The following MED13L variants were observed in gnomAD, a reference collection of about 807,000 sequenced individuals.
The protein encoded by MED13L is mediator complex subunit 13L.
A neutral mutation model predicts 220.9 loss-of-function variants in MED13L; 7 were observed. The observed-to-expected ratio is 0.03, with a 90% CI of 0.02 to 0.06. The LOEUF (loss-of-function observed/expected upper bound fraction) is 0.06. Ranked by LOEUF, MED13L falls within the 10% of genes least tolerant of loss-of-function variation. The probability of loss-of-function intolerance (pLI) is 1.00; values close to 1 mark genes in which losing one functional copy is unlikely to be tolerated. For synonymous variants in MED13L, 1,011 were observed against 1,015.2 expected (o/e 1.00, Z 0.08); for missense variants, 1,965 against 2,760.5 (o/e 0.71, Z 6.46).
chr12:116,200,797 C>G (rs142576160), intron 2 of MED13L, among the ~76,000 whole-genome samples: 4 of 152,130 alleles, frequency 2.6e-5, no homozygotes, highest in East Asian at 3.9e-4. Flanking sequence ...AAAAGCACTA[C>G]GCAGCAAGTT....
chr12:116,224,446 C>G (rs750379386), intron 2 of MED13L, among the ~76,000 whole-genome samples: 27 of 152,124 alleles, frequency 1.8e-4, no homozygotes, highest in Non-Finnish European at 3.7e-4. Context: ...TACCATGGGC[C>G]CCACATAGGA....
chr12:116,113,219 A>G (rs1178433706), intron 2 of MED13L, among the ~76,000 whole-genome samples: 4 of 152,172 alleles, frequency 2.6e-5, no homozygotes, highest in Non-Finnish European at 4.4e-5. Flanking sequence ...CTGTGCCATA[A>G]AGAGTGCTGG....
chr12:116,239,847 C>G (rs1303086004), intron 1 of MED13L, among the ~76,000 whole-genome samples: 1 of 152,180 alleles, frequency 6.6e-6, no homozygotes, highest in Non-Finnish European at 1.5e-5. Context: ...TGTATTAATA[C>G]ATAGTCCTTG....
intron 3 of MED13L, among the ~76,000 whole-genome samples, chr12:116,108,860 T>C (rs970312168): frequency 1.3e-5 from 2 of 152,120 alleles, no homozygotes; most frequent in African/African-American, 4.8e-5. Context: ...ATTAACAGTA[T>C]GTGAGGCATT....
At chr12:115,970,496 A>C in intron 27 of MED13L, 98 bp downstream of exon 27, 1 of 1,318,448 alleles carries the variant, frequency 7.6e-7, no homozygotes, top group Non-Finnish European at 1.1e-6. Context: ...TGGGTTGTTT[A>C]TTACAACACA....
chr12:116,120,477 T>TCTCTCACACACA (rs1257256737), intron 2 of MED13L, among the ~76,000 whole-genome samples: 1 of 79,428 alleles, frequency 1.3e-5, no homozygotes, highest in African/African-American at 5.1e-5. Flanking sequence ...TCTCTCTCTC[T>TCTCTCACACACA]CACACACACA....
chr12:116,219,242 G>A (rs924391473), intron 2 of MED13L, among the ~76,000 whole-genome samples: 16 of 152,034 alleles, frequency 1.1e-4, no homozygotes, highest in African/African-American at 3.4e-4. Flanking sequence ...ATCAAGGAAA[G>A]TGAAATAAAG....
At chr12:116,107,228 T>C (rs188508341) in intron 3 of MED13L, among the ~76,000 whole-genome samples, 3 of 152,216 alleles carry the variant, frequency 2.0e-5, no homozygotes, top group Admixed American at 6.5e-5. Flanking sequence ...AACTATGTTA[T>C]CTTCTGTCTG....
chr12:116,116,920 C>T (rs1262427438), intron 2 of MED13L, among the ~76,000 whole-genome samples: 1 of 148,436 alleles, frequency 6.7e-6, no homozygotes, highest in Non-Finnish European at 1.5e-5. Context: ...TAGGTATATA[C>T]TCAAGTTTGG....
intron 1 of MED13L, among the ~76,000 whole-genome samples, chr12:116,260,550 A>G (rs1055446065): frequency 6.6e-6 from 1 of 152,214 alleles, no homozygotes; most frequent in Non-Finnish European, 1.5e-5. Context: ...TACGCTCTCA[A>G]TAACAAAAAA....
Position 115,987,236 on chromosome 12 carries a change from G to C in MED13L, c.3987C>G (p.Ser1329=). The part of the protein sequence containing the change: ...SSQDVVRMLL[S]LQPFLQDAIQ... ...TGGCATCTTGGAGAAAGGGCTGCAG[G>C]GACAACAGCATACGAACCACATCCT... The change falls in exon 18 of 31, where the codon TCC becomes TCG. Residue 1329 remains serine (S), a synonymous_variant. Coordinates refer to ENST00000281928, the MANE Select transcript of MED13L (RefSeq NM_015335.5). The C allele has an allele frequency of 6.2e-7, 1 of 1,613,852 alleles. No homozygotes were observed. The highest frequency in any genetic ancestry group is 2.2e-5 in the East Asian group (1 of 44,860).
chr12:116,095,305 C>A (rs1198562348), intron 4 of MED13L, among the ~76,000 whole-genome samples: 2 of 152,164 alleles, frequency 1.3e-5, no homozygotes, highest in African/African-American at 4.8e-5. Flanking sequence ...CTTTCACACA[C>A]CCATACACAT....
At chr12:115,982,694 C>T in intron 21 of MED13L, 91 bp from the exon 22 acceptor site, 2 of 1,106,480 alleles carry the variant, frequency 1.8e-6, no homozygotes, top group Non-Finnish European at 1.3e-6. Context: ...AGCACACAGG[C>T]TCCCTAAAGA....
chr12:116,060,887 T>C (rs774195735), intron 4 of MED13L, among the ~76,000 whole-genome samples: 2 of 152,096 alleles, frequency 1.3e-5, no homozygotes, highest in African/African-American at 2.4e-5. Context: ...GTGAAAGCAA[T>C]GAGATGAGAA....
chr12:116,146,237 C>A (rs1345925364), intron 2 of MED13L, among the ~76,000 whole-genome samples: 1 of 152,140 alleles, frequency 6.6e-6, no homozygotes, highest in Non-Finnish European at 1.5e-5. Flanking sequence ...ATTCTCCTGC[C>A]TCAGCCTCCC....
In MED13L at chr12:116,015,091, A is replaced by G; in HGVS notation, c.1175+18T>C. ...ATGGTTACTAAACTATGATCTAGAC[A>G]TAATCGAGAAAACTTACTTGGACTG... is the stretch of plus-strand genomic sequence containing the variant. On this transcript the variant is annotated intron_variant, in intron 8 of 30. Transcript: ENST00000281928. 1 of 1,606,296 alleles carries G rather than the reference A, an allele frequency of 6.2e-7. No individual in the cohort carries two copies. The highest frequency in any genetic ancestry group is 8.5e-7 in the Non-Finnish European group (1 of 1,172,986).
At chr12:116,179,830 C>T (rs1259773282) in intron 2 of MED13L, among the ~76,000 whole-genome samples, 1 of 152,064 alleles carries the variant, frequency 6.6e-6, no homozygotes, top group Non-Finnish European at 1.5e-5. Context: ...GACAGTGCCT[C>T]ATTAGATAAT....
chr12:116,203,998 G>A (rs1438217850), intron 2 of MED13L, among the ~76,000 whole-genome samples: 1 of 152,170 alleles, frequency 6.6e-6, no homozygotes, highest in Non-Finnish European at 1.5e-5. Context: ...AAAATTACAT[G>A]TCGTAATGGT....
chr12:116,261,697 T>C (rs1212252561), intron 1 of MED13L, among the ~76,000 whole-genome samples: 1 of 152,294 alleles, frequency 6.6e-6, no homozygotes, highest in African/African-American at 2.4e-5. Context: ...CAGATAGATA[T>C]TGCCAACTGT....
Sources: allele counts gnomAD v4.1 joint callset (sites outside exome capture counted in the v4.1 genomes callset), GRCh38; gene constraint gnomAD v4.1.1; transcripts MANE v1.5; gene names NCBI Gene and HGNC (gene_info 2026-07-23, HGNC 2026-07-21).